GRIP1: variants seen among roughly 807,000 people sequenced by gnomAD.
The protein encoded by GRIP1 is glutamate receptor interacting protein 1.
A neutral mutation model predicts 129.9 loss-of-function variants in GRIP1; 45 were observed. The ratio of observed to expected loss-of-function variants is 0.35; its 90% confidence interval spans 0.27 to 0.44. The LOEUF is 0.44. GRIP1 is among the 20% of genes least tolerant of loss of function. GRIP1 has a pLI of 1.00. For synonymous variants in GRIP1, 530 were observed against 520.8 expected (o/e 1.02, Z -0.24); for missense variants, 1,196 against 1,396.8 (o/e 0.86, Z 2.29).
chr12:66,498,297 C>T (rs185350350), intron 7 of GRIP1, among the ~76,000 whole-genome samples: 1 of 152,280 alleles, frequency 6.6e-6, no homozygotes, highest in African/African-American at 2.4e-5. Flanking sequence ...TTGAGAATTG[C>T]TCAAGTGGAG....
At chr12:66,355,805 C>T (rs151018564) in intron 23 of GRIP1, among the ~76,000 whole-genome samples, 128 of 152,284 alleles carry the variant, frequency 8.4e-4, no homozygotes, top group African/African-American at 2.9e-3. Context: ...GCACCTGTCA[C>T]ATAGTGGGGT....
At chr12:66,846,710 C>T (rs1252893061) in intron 1 of GRIP1, among the ~76,000 whole-genome samples, 1 of 152,148 alleles carries the variant, frequency 6.6e-6, no homozygotes, top group East Asian at 1.9e-4. Context: ...TCAATTCTAC[C>T]TCAATAACAT....
chr12:66,949,578 A>G (rs961117671), intron 1 of GRIP1, among the ~76,000 whole-genome samples: 6 of 152,120 alleles, frequency 3.9e-5, no homozygotes, highest in African/African-American at 1.2e-4. Context: ...TTTCTAGAAG[A>G]ATGATTTGTC....
At chr12:67,027,794 G>C (rs2042961617) in intron 1 of GRIP1, among the ~76,000 whole-genome samples, 1 of 152,194 alleles carries the variant, frequency 6.6e-6, no homozygotes, top group South Asian at 2.1e-4. Context: ...GGCATGACAA[G>C]AGTCTGGCGA....
At chr12:66,594,591 G>A (rs989842816) in intron 2 of GRIP1, among the ~76,000 whole-genome samples, 16 of 152,108 alleles carry the variant, frequency 1.1e-4, no homozygotes, top group African/African-American at 3.9e-4. Context: ...TAAAAGATTG[G>A]ACTCTCCTGA....
In GRIP1 at chr12:66,371,944, T is replaced by C; in HGVS notation, c.2779-17A>G. 1 of 1,521,798 alleles carries C rather than the reference T, an allele frequency of 6.6e-7. No individual in the cohort carries two copies. The highest frequency in any genetic ancestry group is 1.1e-5 in the South Asian group (1 of 89,306). 94.3% of individuals were successfully genotyped at this position (1,521,798 alleles called of 1,614,324 possible). On this transcript the variant is annotated splice_polypyrimidine_tract_variant and intron_variant, in intron 22 of 24. Transcript: ENST00000359742. ...GATTGTTGCCTGTGGCATTGACAAT[T>C]TTTAGAAACAATTAAGCCATGGACT...
At chr12:66,642,650 A>C (rs2032037099) in intron 1 of GRIP1, among the ~76,000 whole-genome samples, 1 of 152,210 alleles carries the variant, frequency 6.6e-6, no homozygotes, top group African/African-American at 2.4e-5. Context: ...CCAGAAGGGC[A>C]GTTAAGAATC....
intron 1 of GRIP1, among the ~76,000 whole-genome samples, chr12:66,707,899 G>A (rs1257635341): frequency 6.6e-6 from 1 of 151,944 alleles, no homozygotes; most frequent in East Asian, 1.9e-4. Flanking sequence ...GACACTATCT[G>A]GATGTTAAAA....
intron 1 of GRIP1, among the ~76,000 whole-genome samples, chr12:66,785,362 A>ATATATATATATATATATATATATATC (rs1566021161): frequency 6.9e-6 from 1 of 144,324 alleles, no homozygotes; most frequent in African/African-American, 2.6e-5. Context: ...ATATATATAT[A>ATATATATATATATATATATATATATC]TTAGTTGGGC....
chr12:66,804,047 G>T (rs1405313808), intron 1 of GRIP1: 5 of 450,350 alleles, frequency 1.1e-5, no homozygotes, highest in African/African-American at 8.0e-5. Context: ...GGAGAGAAGC[G>T]CTTACTTCGA....
intron 1 of GRIP1, among the ~76,000 whole-genome samples, chr12:66,656,834 G>A (rs1291442405): frequency 6.6e-6 from 1 of 152,074 alleles, no homozygotes; most frequent in African/African-American, 2.4e-5. Context: ...TTTAAGAAAT[G>A]CAGTATTTAC....
At chr12:67,037,626 A>G (rs1054953199) in intron 1 of GRIP1, 12 of 152,210 alleles carry the variant, frequency 7.9e-5, no homozygotes, top group African/African-American at 2.2e-4. Context: ...CTGTATTTCA[A>G]GCAAAAACAG....
At chr12:66,470,247 C>A (rs2059400106) in intron 7 of GRIP1, among the ~76,000 whole-genome samples, 1 of 152,170 alleles carries the variant, frequency 6.6e-6, no homozygotes, top group African/African-American at 2.4e-5. Flanking sequence ...TCTACAAGGA[C>A]CTGCATGATC....
chr12:67,018,653 C>T (rs1252288), intron 1 of GRIP1, among the ~76,000 whole-genome samples: 119,884 of 151,984 alleles, frequency 0.79, 48,388 homozygotes, highest in East Asian at 0.89. Context: ...AGTTGGCTTT[C>T]AAACTGTGGT....
chr12:66,500,323 C>T (rs547175107), intron 7 of GRIP1, among the ~76,000 whole-genome samples: 27 of 152,138 alleles, frequency 1.8e-4, no homozygotes, highest in African/African-American at 5.8e-4. Flanking sequence ...CCAGATAGGA[C>T]GAAAGTCATG....
intron 6 of GRIP1, among the ~76,000 whole-genome samples, chr12:66,516,326 C>T (rs1026627469): frequency 6.6e-6 from 1 of 152,108 alleles, no homozygotes; most frequent in African/African-American, 2.4e-5. Context: ...CTGCTGTGAC[C>T]ACAGACACTC....
At chr12:66,889,865 C>T (rs888443911) in intron 1 of GRIP1, among the ~76,000 whole-genome samples, 1 of 152,070 alleles carries the variant, frequency 6.6e-6, no homozygotes, top group African/African-American at 2.4e-5. Flanking sequence ...TACTATTTTA[C>T]ATATATGGCC....
chr12:67,058,718 C>T (rs889729486), intron 1 of GRIP1, among the ~76,000 whole-genome samples: 3 of 152,202 alleles, frequency 2.0e-5, no homozygotes, highest in African/African-American at 7.2e-5. Context: ...AGCTGTTTAA[C>T]CATTTCTATT....
chr12:66,576,090 G>A (rs987147151), intron 2 of GRIP1, among the ~76,000 whole-genome samples: 1 of 152,140 alleles, frequency 6.6e-6, no homozygotes, highest in Non-Finnish European at 1.5e-5. Flanking sequence ...AGAAATCTTA[G>A]ACCTCTGGGA....
Sources: gnomAD v4.1 joint callset for allele counts (sites outside exome capture counted in the v4.1 genomes callset) on GRCh38, gnomAD v4.1.1 for gene constraint, MANE v1.5 for transcripts, NCBI Gene and HGNC (gene_info 2026-07-23, HGNC 2026-07-21) for gene names.